The following BRAF variants were observed in gnomAD, a reference collection of about 807,000 sequenced individuals.
BRAF encodes B-Raf proto-oncogene, serine/threonine kinase.
In BRAF, 16 loss-of-function variants were observed where a neutral mutation model predicts 104.6. The ratio of observed to expected loss-of-function variants is 0.15; its 90% CI spans 0.10 to 0.23. The LOEUF (loss-of-function observed/expected upper bound fraction) is 0.23. Ranked by LOEUF, BRAF falls within the 10% of genes least tolerant of loss-of-function variation. The probability of loss-of-function intolerance (pLI) is 1.00; values close to 1 mark genes in which losing one functional copy is unlikely to be tolerated. For missense variants in BRAF, 541 were observed against 937.3 expected (o/e 0.58, Z 5.52); for synonymous variants, 310 against 341.6 (o/e 0.91, Z 1.02).
chr7:140,849,867 T>TA (rs1808971790), intron 2 of BRAF, among the ~76,000 whole-genome samples: 1 of 152,020 alleles, frequency 6.6e-6, no homozygotes, highest in Admixed American at 6.6e-5. Context: ...TTCAGAGTAA[T>TA]ACCTTGAAAT....
At chr7:140,843,228 A>T (rs574941410) in intron 2 of BRAF, among the ~76,000 whole-genome samples, 1 of 152,166 alleles carries the variant, frequency 6.6e-6, no homozygotes. Context: ...GATTTTTGAG[A>T]AAGATTTTCT....
chr7:140,813,666 G>C (rs1804519726), intron 3 of BRAF, among the ~76,000 whole-genome samples: 1 of 151,978 alleles, frequency 6.6e-6, no homozygotes, highest in African/African-American at 2.4e-5. Flanking sequence ...CTATACAATG[G>C]AACTGTAGTT....
chr7:140,804,364 C>T (rs1803439924), intron 5 of BRAF, among the ~76,000 whole-genome samples: 1 of 150,734 alleles, frequency 6.6e-6, no homozygotes, highest in African/African-American at 2.5e-5. Flanking sequence ...ACCATCACAC[C>T]TGGCTAATTT....
intron 1 of BRAF, among the ~76,000 whole-genome samples, chr7:140,900,571 C>A (rs1815490082): frequency 6.6e-6 from 1 of 152,132 alleles, no homozygotes; most frequent in African/African-American, 2.4e-5. Context: ...TATTACCTGC[C>A]ATTTTGTTAT....
chr7:140,855,583 C>T (rs756643571), intron 1 of BRAF, among the ~76,000 whole-genome samples: 4 of 151,680 alleles, frequency 2.6e-5, no homozygotes, highest in Non-Finnish European at 4.4e-5. Flanking sequence ...ATTGGCTCCC[C>T]TCATCCCTTA....
At position 140,721,726 on chromosome 7, in the gene BRAF, C is replaced by CAA. The variant is rs1255480259; in HGVS notation, c.*4767_*4768insTT. On this transcript the variant is annotated 3_prime_UTR_variant, in exon 20 of 20. Transcript: ENST00000644969. ...GGATGTGCTGGAGACAATACATGGA[C>CAA]TTTCTCTTTCAATGGTGAGGAATGA... The CAA allele has an allele frequency of 4.0e-6, 6 of 1,516,830 alleles. No homozygotes were observed. The highest frequency in any genetic ancestry group is 5.3e-6 in the Non-Finnish European group (6 of 1,139,182). The allele number at this position is 1,516,830 out of a possible 1,614,324, so 94.0% of individuals were successfully genotyped here.
intron 14 of BRAF, among the ~76,000 whole-genome samples, chr7:140,774,915 AC>A (rs1800187950): frequency 6.6e-6 from 1 of 152,210 alleles, no homozygotes; most frequent in African/African-American, 2.4e-5. Flanking sequence ...TTTTCATTTA[AC>A]AGTTATGTAC....
chr7:140,835,095 T>G, intron 2 of BRAF: 1 of 577,812 alleles, frequency 1.7e-6, no homozygotes, highest in Non-Finnish European at 3.0e-6. Context: ...CCTGATAAAT[T>G]TGACCTATAC....
At chr7:140,717,093 C>G (rs1795146369), downstream of BRAF, among the ~76,000 whole-genome samples, 1 of 152,226 alleles carries the variant, frequency 6.6e-6, no homozygotes, top group East Asian at 1.9e-4. Context: ...TGGCTATGAA[C>G]TCACTGTCAT....
intron 1 of BRAF, among the ~76,000 whole-genome samples, chr7:140,894,220 G>A (rs1297401550): frequency 1.3e-5 from 2 of 152,268 alleles, no homozygotes; most frequent in East Asian, 1.9e-4. Context: ...CAGAAATGAA[G>A]GCCACGGTGG....
rs1803832776 is a variant in BRAF at position 140,808,005 on chromosome 7, C to G, written c.666G>C (p.Leu222Phe). The change falls in exon 5 of 20, where the codon TTG (leucine) becomes TTC (phenylalanine). Residue 222 changes from leucine (L) to phenylalanine (F), a missense_variant. Physicochemically the swap from Leu to Phe is conservative, Grantham distance 22. Transcript: ENST00000644969. Reference protein sequence around the residue: ...TDISWLTGEELHVEVLENVPL... With the variant: ...TDISWLTGEEFHVEVLENVPL... ...GAACATTCTCCAACACTTCCACATGCAATTCTTCTCCAGTAAGCCAGGAAA... is the reference window on the plus strand; with the variant it reads ...GAACATTCTCCAACACTTCCACATGGAATTCTTCTCCAGTAAGCCAGGAAA... 1 of 1,613,498 alleles carries G rather than the reference C, an allele frequency of 6.2e-7. No individual in the cohort carries two copies. Among genetic ancestry groups the G allele is most frequent in the Non-Finnish European group, 8.5e-7 (1 of 1,179,590 alleles).
At chr7:140,881,185 GCA>G (rs1812863439) in intron 1 of BRAF, among the ~76,000 whole-genome samples, 3 of 152,106 alleles carry the variant, frequency 2.0e-5, no homozygotes, top group Non-Finnish European at 4.4e-5. Context: ...CATTTACAGA[GCA>G]CAGACAGAGT....
chr7:140,814,491 C>A (rs192245655), intron 3 of BRAF, among the ~76,000 whole-genome samples: 1 of 151,754 alleles, frequency 6.6e-6, no homozygotes, highest in Non-Finnish European at 1.5e-5. Flanking sequence ...ATGGTGAAAC[C>A]CCATCTCTAT....
chr7:140,865,564 T>C (rs1487712208), intron 1 of BRAF, among the ~76,000 whole-genome samples: 7 of 152,180 alleles, frequency 4.6e-5, no homozygotes, highest in Non-Finnish European at 8.8e-5. Context: ...GCCAAAGGTA[T>C]TAGTAATTTT....
rs770572009 is a variant in BRAF at position 140,739,949 on chromosome 7, GGA to G, written c.2113-5_2113-4del. Reference sequence around the variant, plus strand: ...CCTCGTCCCACCATAAAAATTATCTGGAGAGAGAAAAAAAAGGGAAATAATTC... The same window carrying G: ...CCTCGTCCCACCATAAAAATTATCTGGAGAGAAAAAAAAGGGAAATAATTC... On this transcript the variant is annotated splice_polypyrimidine_tract_variant and splice_region_variant and intron_variant, in intron 17 of 19. Coordinates refer to ENST00000644969, the MANE Select transcript of BRAF (RefSeq NM_001374258.1). 3 of 1,612,126 alleles carry G rather than the reference GGA, an allele frequency of 1.9e-6. No individual in the cohort carries two copies. Among genetic ancestry groups the G allele is most frequent in the East Asian group, 2.2e-5 (1 of 44,860 alleles).
At chr7:140,752,198 T>A (rs1484295214) in intron 16 of BRAF, among the ~76,000 whole-genome samples, 1 of 152,152 alleles carries the variant, frequency 6.6e-6, no homozygotes, top group Admixed American at 6.5e-5. Context: ...AGTACTACAA[T>A]TATCCTCCTT....
intron 14 of BRAF, among the ~76,000 whole-genome samples, chr7:140,771,386 G>C (rs1398590219): frequency 7.0e-6 from 1 of 142,040 alleles, no homozygotes; most frequent in African/African-American, 3.1e-5. Flanking sequence ...TGTAGAGACG[G>C]GGTTTTGCCG....
intron 5 of BRAF, among the ~76,000 whole-genome samples, chr7:140,801,876 G>A (rs779404074): frequency 8.5e-5 from 13 of 152,076 alleles, no homozygotes; most frequent in Middle Eastern, 3.2e-3. Context: ...AGGAAACAGA[G>A]GTGAAAGGAA....
chr7:140,801,622 G>GT (rs1313033805), intron 5 of BRAF, 62 bp from the exon 6 acceptor site: 8 of 1,495,366 alleles, frequency 5.3e-6, no homozygotes, highest in Non-Finnish European at 7.4e-6. Context: ...AGAAACTGAC[G>GT]TATCTACTCT....
Sources: allele counts gnomAD v4.1 joint callset (sites outside exome capture counted in the v4.1 genomes callset), GRCh38; gene constraint gnomAD v4.1.1; transcripts MANE v1.5; gene names NCBI Gene and HGNC (gene_info 2026-07-23, HGNC 2026-07-21).